The following PRPSAP1 variants were observed in gnomAD, a reference collection of about 807,000 sequenced individuals.
PRPSAP1 encodes phosphoribosyl pyrophosphate synthase-associated protein 1.
A neutral mutation model predicts 39.4 loss-of-function variants in PRPSAP1; 31 were observed. The ratio of observed to expected loss-of-function variants is 0.79; its 90% CI spans 0.59 to 1.06. The LOEUF is 1.06. Among genes scored for constraint, PRPSAP1 ranks in the 50% least tolerant of loss-of-function variants. The pLI is 0.00. For missense variants in PRPSAP1, 430 were observed against 511.6 expected, an observed-to-expected ratio of 0.84 and a Z score of 1.54; for synonymous variants, 212 against 192.6, an observed-to-expected ratio of 1.10 and a Z score of -0.83.
chr17:76,321,417 T>C (rs903311108), intron 7 of PRPSAP1, among the ~76,000 whole-genome samples: 1 of 151,830 alleles, frequency 6.6e-6, no homozygotes, highest in Non-Finnish European at 1.5e-5. Context: ...TAGCTGGGTG[T>C]GGTGAAGCAT....
At position 76,353,869 on chromosome 17, in the gene PRPSAP1, C is replaced by G; in HGVS notation, c.-166G>C. 1 of 1,330,622 alleles carries G rather than the reference C, an allele frequency of 7.5e-7. No homozygotes were observed. The highest frequency in any genetic ancestry group is 9.6e-7 in the Non-Finnish European group (1 of 1,045,780). 82.4% of individuals were successfully genotyped at this position (1,330,622 alleles called of 1,614,324 possible). On this transcript the variant is annotated 5_prime_UTR_variant, in exon 1 of 10. Coordinates refer to ENST00000446526, the MANE Select transcript of PRPSAP1 (RefSeq NM_002766.3). The stretch of plus-strand genomic sequence containing the variant: ...GCGCACCCCACACCACTGACTACAG[C>G]GGCCGAGCCTTCGCAGCGCCCGGCG...
intron 1 of PRPSAP1, among the ~76,000 whole-genome samples, chr17:76,350,425 T>A (rs1463047999): frequency 1.3e-5 from 2 of 149,168 alleles, no homozygotes; most frequent in East Asian, 4.0e-4. Context: ...TGCGACAGAG[T>A]GAGATTCCGT....
intron 7 of PRPSAP1, chr17:76,314,204 G>A (rs2071097554): frequency 3.8e-6 from 1 of 259,798 alleles, no homozygotes; most frequent in Non-Finnish European, 7.6e-6. Flanking sequence ...ATATAAAAAT[G>A]TATGTATGTA....
chr17:76,332,466 TA>T (rs2071332919), intron 3 of PRPSAP1, 31 bp from the exon 4 acceptor site: 1 of 1,610,272 alleles, frequency 6.2e-7, no homozygotes, highest in African/African-American at 1.3e-5. Context: ...ATTTGGGGAT[TA>T]ATTCCATGTA....
At chr17:76,351,980 G>A (rs946240461) in intron 1 of PRPSAP1, among the ~76,000 whole-genome samples, 3 of 151,494 alleles carry the variant, frequency 2.0e-5, no homozygotes, top group Admixed American at 1.3e-4. Context: ...AAACAATCAG[G>A]GGTTAGAAAT....
At chr17:76,320,291 A>G (rs1376082298) in intron 7 of PRPSAP1, among the ~76,000 whole-genome samples, 12 of 110,780 alleles carry the variant, frequency 1.1e-4, no homozygotes, top group South Asian at 6.5e-4. Flanking sequence ...GAAAAGAAAG[A>G]AAGAAAGAAA....
chr17:76,317,367 A>G (rs970432539), intron 7 of PRPSAP1, among the ~76,000 whole-genome samples: 2 of 151,476 alleles, frequency 1.3e-5, no homozygotes, highest in African/African-American at 2.4e-5. Flanking sequence ...AAAGAAAAAA[A>G]AAAATCAACA....
chr17:76,321,393 A>C (rs1372559312), intron 7 of PRPSAP1, among the ~76,000 whole-genome samples: 1 of 152,046 alleles, frequency 6.6e-6, no homozygotes, highest in Non-Finnish European at 1.5e-5. Context: ...CGTCGTTACT[A>C]AAAATACAAA....
intron 7 of PRPSAP1, among the ~76,000 whole-genome samples, chr17:76,323,294 A>G (rs906229887): frequency 3.4e-5 from 5 of 148,956 alleles, no homozygotes; most frequent in African/African-American, 1.3e-4. Flanking sequence ...CTGAGCCGAG[A>G]TTGCGCCACT....
chr17:76,310,984 TG>T lies in PRPSAP1; in HGVS notation c.*557del, dbSNP rs2071065305. 6.6e-6 allele frequency: 1 copy of T among 152,176 alleles called. No homozygotes were observed. The highest frequency in any genetic ancestry group is 2.4e-5 in the African/African-American group (1 of 41,434). The allele number at this position is 152,176 out of a possible 1,614,324, so 9.4% of individuals were successfully genotyped here. ...TCAGAGCCACTCAGATACCCAGAGG[TG>T]GGATGCTATTTTCTAATCTGACATC... is the stretch of plus-strand genomic sequence containing the variant. On this transcript the variant is annotated 3_prime_UTR_variant, in exon 10 of 10. Coordinates refer to ENST00000446526, the MANE Select transcript of PRPSAP1 (RefSeq NM_002766.3).
intron 1 of PRPSAP1, among the ~76,000 whole-genome samples, chr17:76,350,301 T>C (rs2071554189): frequency 6.6e-6 from 1 of 150,998 alleles, no homozygotes; most frequent in African/African-American, 2.4e-5. Flanking sequence ...TAGCCGGGCG[T>C]GGTGGAGGGC....
intron 6 of PRPSAP1, 127 bp downstream of exon 6, chr17:76,329,916 G>T: frequency 1.3e-6 from 1 of 788,108 alleles, no homozygotes. Flanking sequence ...TGACAACGAT[G>T]GAGGGGTTAA....
At chr17:76,315,607 G>A (rs1443206909) in intron 7 of PRPSAP1, among the ~76,000 whole-genome samples, 1 of 151,546 alleles carries the variant, frequency 6.6e-6, no homozygotes, top group Non-Finnish European at 1.5e-5. Context: ...AATGGGGGGA[G>A]GGGGGTTTCA....
At chr17:76,345,981 A>G (rs1434587399) in intron 2 of PRPSAP1, 3 of 473,886 alleles carry the variant, frequency 6.3e-6, no homozygotes, top group East Asian at 1.2e-4. Context: ...GCCACTGCAA[A>G]GAAGGGAGAG....
At chr17:76,343,325 CCCTG>C (rs1253631832) in intron 3 of PRPSAP1, among the ~76,000 whole-genome samples, 2 of 152,206 alleles carry the variant, frequency 1.3e-5, no homozygotes, top group African/African-American at 4.8e-5. Flanking sequence ...CAGCCCCCTG[CCCTG>C]AGGGAAGCAA....
rs2071062562 is a variant in PRPSAP1, at chr17:76,310,756, C to T, written c.*786G>A. 6.6e-6 allele frequency: 1 copy of T among 151,718 alleles called. No homozygotes were observed. The highest frequency in any genetic ancestry group is 1.5e-5 in the Non-Finnish European group (1 of 67,958). The allele number at this position is 151,718 out of a possible 1,614,324, so 9.4% of individuals were successfully genotyped here. A position where few individuals can be genotyped will look rare whatever the true frequency, so the allele number is the denominator to read the frequency against. On this transcript the variant is annotated 3_prime_UTR_variant, in exon 10 of 10. Transcript: ENST00000446526. ...AAGTACTCAGATTATAGGTGTGAGC[C>T]ACCACACCTAGACTTTTTTTTTTTT...
chr17:76,320,369 G>A (rs889860916), intron 7 of PRPSAP1, among the ~76,000 whole-genome samples: 1 of 142,706 alleles, frequency 7.0e-6, no homozygotes, highest in Non-Finnish European at 1.5e-5. Context: ...AAGGAAGAAA[G>A]GCAGGCATAC....
At chr17:76,335,396 C>T (rs1053286398) in intron 3 of PRPSAP1, among the ~76,000 whole-genome samples, 1 of 152,054 alleles carries the variant, frequency 6.6e-6, no homozygotes, top group Non-Finnish European at 1.5e-5. Flanking sequence ...GTTTTTGTCA[C>T]CCAGGCTGGA....
intron 7 of PRPSAP1, among the ~76,000 whole-genome samples, chr17:76,315,156 C>G (rs769352264): frequency 5.3e-5 from 8 of 152,032 alleles, no homozygotes; most frequent in Non-Finnish European, 8.8e-5. Flanking sequence ...AAATCTGCAT[C>G]TGAAGAAAGG....
Sources: gnomAD v4.1 joint callset for allele counts (sites outside exome capture counted in the v4.1 genomes callset) on GRCh38, gnomAD v4.1.1 for gene constraint, MANE v1.5 for transcripts, NCBI Gene and HGNC (gene_info 2026-07-23, HGNC 2026-07-21) for gene names.